Variants in NFX1 observed in about 807,000 individuals in gnomAD.
NFX1 encodes transcriptional repressor NF-X1.
In NFX1, 69 loss-of-function variants were observed where a neutral mutation model predicts 137.2. That is an observed-to-expected ratio of 0.50 (90% CI 0.41 to 0.61). The LOEUF (loss-of-function observed/expected upper bound fraction) is 0.61. NFX1 is among the 20% of genes least tolerant of loss of function. The probability of loss-of-function intolerance (pLI) is 0.00; values close to 1 mark genes in which losing one functional copy is unlikely to be tolerated. For synonymous variants in NFX1, 495 were observed against 474.1 expected (o/e 1.04, Z -0.57); for missense variants, 1,167 against 1,391.0 (o/e 0.84, Z 2.56).
At chr9:33,331,383 T>G (rs1208617972) in intron 10 of NFX1, among the ~76,000 whole-genome samples, 1 of 152,218 alleles carries the variant, frequency 6.6e-6, no homozygotes, top group African/African-American at 2.4e-5. Context: ...GTCTATGTCT[T>G]CATAAAGCAT....
At chr9:33,355,022 A>G in intron 19 of NFX1, 130 bp downstream of exon 19, 1 of 814,068 alleles carries the variant, frequency 1.2e-6, no homozygotes, top group Non-Finnish European at 1.9e-6. Flanking sequence ...AAAGAGCAAG[A>G]GAAATGCCGT....
At chr9:33,345,364 C>T (rs564535970) in intron 14 of NFX1, among the ~76,000 whole-genome samples, 70 of 151,542 alleles carry the variant, frequency 4.6e-4, no homozygotes, top group Non-Finnish European at 7.5e-4. Context: ...GTAATCCCAG[C>T]TACTTGGGAG....
chr9:33,353,023 G>A (rs145885236), intron 17 of NFX1: 6 of 286,046 alleles, frequency 2.1e-5, no homozygotes, highest in African/African-American at 6.6e-5. Context: ...GATCACAGGC[G>A]TGAGCCACTA....
chr9:33,290,601 T>C lies in NFX1; in HGVS notation c.25+4T>C. 2 of 1,613,584 alleles carry C rather than the reference T, an allele frequency of 1.2e-6. No homozygotes were observed. Among genetic ancestry groups the C allele is most frequent in the Non-Finnish European group, 1.7e-6 (2 of 1,179,862 alleles). ...GCGGAGGCGCCTCCTGTCTCAGGTA[T>C]TGTCCCGGCCCGAGCGGGACTGGGC... On this transcript the variant is annotated splice_donor_region_variant and intron_variant, in intron 1 of 23. Coordinates refer to ENST00000379540, the MANE Select transcript of NFX1 (RefSeq NM_002504.6).
chr9:33,338,464 A>G (rs781216596), intron 11 of NFX1, 46 bp from the exon 12 acceptor site: 4 of 1,515,560 alleles, frequency 2.6e-6, no homozygotes, highest in South Asian at 1.2e-5. Flanking sequence ...ATGAATGTTC[A>G]TATCCTTTGT....
rs772554522 is a variant in NFX1, at chr9:33,364,111, A to G, written c.2972+3A>G. The G allele has an allele frequency of 6.3e-7, 1 of 1,595,054 alleles. No homozygotes were observed. The highest frequency in any genetic ancestry group is 1.3e-5 in the African/African-American group (1 of 74,108). The stretch of plus-strand genomic sequence containing the variant: ...GATAGTTTGAAAGAAGATGCCAGGT[A>G]TGTAACTTGTTACCTGCTTTCTTAA... On this transcript the variant is annotated splice_donor_region_variant and intron_variant, in intron 20 of 23. Coordinates refer to ENST00000379540, the MANE Select transcript of NFX1 (RefSeq NM_002504.6).
At position 33,367,556 on chromosome 9, in the gene NFX1, T is replaced by G; in HGVS notation, c.3227T>G (p.Leu1076Arg). ...VCPPTTLTGV[L>R]EREMQARPPP... Reference sequence around the variant, plus strand: ...CCTCCTACCACGCTGACAGGTGTGCTTGAAAGGGAAATGCAGGCACGGCCT... The same window carrying G: ...CCTCCTACCACGCTGACAGGTGTGCGTGAAAGGGAAATGCAGGCACGGCCT... The change falls in exon 23 of 24, where the codon CTT becomes CGT. Residue 1076 changes from leucine to arginine, a missense_variant. Around this residue, in one of 3 missense-constraint regions of NFX1, gnomAD observed 312 missense variants for 312.8 expected, o/e 1.00. Coordinates refer to ENST00000379540, the MANE Select transcript of NFX1 (RefSeq NM_002504.6). The G allele has an allele frequency of 6.2e-7, 1 of 1,613,940 alleles. No homozygotes were observed. The highest frequency in any genetic ancestry group is 8.5e-7 in the Non-Finnish European group (1 of 1,179,862).
At chr9:33,305,057 C>T (rs887838004) in intron 4 of NFX1, among the ~76,000 whole-genome samples, 6 of 152,198 alleles carry the variant, frequency 3.9e-5, no homozygotes, top group African/African-American at 1.4e-4. Context: ...CCACACTGTT[C>T]TTCCAGGGGA....
At chr9:33,298,545 A>T (rs1821440722) in intron 2 of NFX1, among the ~76,000 whole-genome samples, 1 of 152,238 alleles carries the variant, frequency 6.6e-6, no homozygotes, top group Non-Finnish European at 1.5e-5. Flanking sequence ...TGGAAGGCCA[A>T]GGCAGAAGGA....
intron 5 of NFX1, among the ~76,000 whole-genome samples, chr9:33,308,765 T>G (rs1332032750): frequency 6.6e-6 from 1 of 152,152 alleles, no homozygotes; most frequent in Non-Finnish European, 1.5e-5. Flanking sequence ...AAAATGACAA[T>G]TCTTACTTTT....
intron 15 of NFX1, chr9:33,348,860 C>T (rs1823531445): frequency 3.6e-6 from 3 of 822,096 alleles, no homozygotes; most frequent in Non-Finnish European, 4.4e-6. Flanking sequence ...CTGTTTGCTA[C>T]ATTCCAACTG....
chr9:33,295,165 A>C lies in NFX1; in HGVS notation c.771A>C (p.Pro257=), dbSNP rs1025853969. Residue 257 remains proline, a synonymous_variant, in exon 2 of 24, where the codon CCA becomes CCC. Coordinates refer to ENST00000379540, the MANE Select transcript of NFX1 (RefSeq NM_002504.6). ...AAGTGGAGGGGGCCAGGCCACGACC[A>C]GGCAGAAATCCACCAAAACAGGAGG... The part of the protein sequence containing the change: ...PWEVEGARPR[P]GRNPPKQEGH... 6.2e-7 allele frequency: 1 copy of C among 1,614,082 alleles called. No homozygotes were observed. Among genetic ancestry groups the C allele is most frequent in the South Asian group, 1.1e-5 (1 of 91,090 alleles).
At chr9:33,301,886 A>G (rs1821581071) in intron 3 of NFX1, among the ~76,000 whole-genome samples, 1 of 152,176 alleles carries the variant, frequency 6.6e-6, no homozygotes, top group East Asian at 1.9e-4. Flanking sequence ...AGCCTGGCCA[A>G]CATGGCAAAA....
rs550313085 is a variant in NFX1 at position 33,311,421 on chromosome 9, G to C, written c.1448+244G>C. 4.6e-5 allele frequency among the ~76,000 whole-genome samples: 7 copies of C among 152,304 alleles called. No individual in the cohort carries two copies. The South Asian group carries it at 1.5e-3, about 32-fold the overall frequency. Reference sequence around the variant, plus strand: ...TGAGAGACCAAATGTGCCATGGATAGTACTTTTCTGTAACTAGTAGTTCCC... The same window carrying C: ...TGAGAGACCAAATGTGCCATGGATACTACTTTTCTGTAACTAGTAGTTCCC... On this transcript the variant is annotated intron_variant, in intron 6 of 23. Transcript: ENST00000379540.
rs545725911 is a variant in NFX1 at position 33,307,808 on chromosome 9, T to C, written c.1376+509T>C. Among the ~76,000 whole-genome samples the C allele has an allele frequency of 1.2e-4, 18 of 147,454 alleles. No homozygotes were observed. In the South Asian group the frequency reaches 3.7e-3, roughly 30 times the overall value. On this transcript the variant is annotated intron_variant, in intron 5 of 23. Transcript: ENST00000379540. ...TTTCTTTCTTTCTTTTTTTTTTTTT[T>C]TTTTTTTGAGACAGGGTCTCGCTTT...
intron 6 of NFX1, among the ~76,000 whole-genome samples, chr9:33,311,889 A>T (rs956994209): frequency 3.3e-5 from 5 of 152,080 alleles, no homozygotes; most frequent in Non-Finnish European, 5.9e-5. Context: ...AGTGGGTGAC[A>T]GAACCAGGAG....
chr9:33,327,040 A>G (rs185230560), intron 9 of NFX1, among the ~76,000 whole-genome samples: 3 of 152,354 alleles, frequency 2.0e-5, no homozygotes, highest in African/African-American at 7.2e-5. Flanking sequence ...AAAAATATTG[A>G]CAAAATGCAA....
intron 23 of NFX1, among the ~76,000 whole-genome samples, chr9:33,369,226 C>T (rs1019857534): frequency 1.3e-4 from 20 of 152,110 alleles, no homozygotes; most frequent in Admixed American, 8.5e-4. Context: ...CCACCACGCC[C>T]GGCTAATTTT....
At chr9:33,344,944 T>C (rs932265795) in intron 14 of NFX1, among the ~76,000 whole-genome samples, 40 of 151,268 alleles carry the variant, frequency 2.6e-4, no homozygotes, top group African/African-American at 7.3e-4. Flanking sequence ...GGCGGGTCAC[T>C]TGAGGTCAGG....
Sources: gnomAD v4.1 joint callset for allele counts (sites outside exome capture counted in the v4.1 genomes callset) on GRCh38, gnomAD v4.1.1 for gene constraint, gnomAD v4.1.1 regional missense constraint, MANE v1.5 for transcripts, NCBI Gene and HGNC (gene_info 2026-07-23, HGNC 2026-07-21) for gene names.